Variants in CNTN2 observed in about 807,000 individuals in gnomAD.
The protein encoded by CNTN2 is contactin 2, also known as contactin-2.
In CNTN2, 53 loss-of-function variants were observed where a neutral mutation model predicts 117.5. The observed-to-expected ratio is 0.45, with a 90% CI of 0.36 to 0.57. The LOEUF (loss-of-function observed/expected upper bound fraction) is 0.57, where lower values mean the gene tolerates loss of function less well. Among genes scored for constraint, CNTN2 ranks in the 20% least tolerant of loss-of-function variants. The pLI, the probability that CNTN2 is intolerant of heterozygous loss-of-function variation, is 0.00. For synonymous variants in CNTN2, 530 were observed against 561.7 expected (o/e 0.94, Z 0.80); for missense variants, 1,106 against 1,404.3 (o/e 0.79, Z 3.39).
At position 205,058,475 on chromosome 1, in the gene CNTN2, C is replaced by G; in HGVS notation, c.392-93C>G. 2 of 1,548,412 alleles carry G rather than the reference C, an allele frequency of 1.3e-6. No individual in the cohort carries two copies. Among genetic ancestry groups the G allele is most frequent in the Non-Finnish European group, 1.8e-6 (2 of 1,128,438 alleles). On this transcript the variant is annotated intron_variant, in intron 4 of 22. Coordinates refer to ENST00000331830, the MANE Select transcript of CNTN2 (RefSeq NM_005076.5). This position sits in a 1 kb window ranked among gnomAD's most constrained non-coding sequence, Gnocchi z 4.3. ...GCCTTCCTGACCTCACATGACATGCCTTAGTGAACTGCTGCTTCTCCGTGA... is the reference window on the plus strand; with the variant it reads ...GCCTTCCTGACCTCACATGACATGCGTTAGTGAACTGCTGCTTCTCCGTGA...
chr1:205,058,237 T>A lies in CNTN2; in HGVS notation c.272T>A (p.Val91Glu). The part of the protein sequence containing the change: ...KLEPGSRHQL[V>E]GGNLVIMNPT... ...GAGCCAGGTTCCCGTCACCAGCTGG[T>A]GGGGGGCAACCTGGTCATCATGAAC... is the stretch of plus-strand genomic sequence containing the variant. Residue 91 changes from valine (V) to glutamate (E), a missense_variant, in exon 4 of 23, where the codon GTG becomes GAG. By Grantham distance (121) the Val-to-Glu change is moderately radical. Coordinates refer to ENST00000331830, the MANE Select transcript of CNTN2 (RefSeq NM_005076.5). The surrounding 1 kb of genome is among the most constrained non-coding windows in gnomAD (Gnocchi z 4.3). The A allele has an allele frequency of 6.4e-7, 1 of 1,563,866 alleles. No individual in the cohort carries two copies. The highest frequency in any genetic ancestry group is 8.7e-7 in the Non-Finnish European group (1 of 1,155,776).
chr1:205,075,262 C>T lies in CNTN2; in HGVS notation c.*1497C>T, dbSNP rs189430085. ...ACTTCAAGGGGTTCGGATTGGTGATCATGGGGATTGGCATGGCTGGGTTCC... is the reference window on the plus strand; with the variant it reads ...ACTTCAAGGGGTTCGGATTGGTGATTATGGGGATTGGCATGGCTGGGTTCC... On this transcript the variant is annotated 3_prime_UTR_variant, in exon 23 of 23. Coordinates refer to ENST00000331830, the MANE Select transcript of CNTN2 (RefSeq NM_005076.5). 3.6e-3 allele frequency: 638 copies of T among 176,888 alleles called. 5 individuals are homozygous for T. The highest frequency in any genetic ancestry group is 3.6e-3 in the Non-Finnish European group (307 of 84,622). 11.0% of individuals were successfully genotyped at this position (176,888 alleles called of 1,614,324 possible).
At chr1:205,046,580 C>T (rs1179600974) in intron 1 of CNTN2, among the ~76,000 whole-genome samples, 2 of 152,186 alleles carry the variant, frequency 1.3e-5, no homozygotes, top group Non-Finnish European at 1.5e-5. Context: ...GCAGGTTGGA[C>T]CTCACCCCCA....
intron 1 of CNTN2, among the ~76,000 whole-genome samples, chr1:205,052,732 C>T (rs1015392988): frequency 2.6e-5 from 4 of 152,370 alleles, no homozygotes; most frequent in Admixed American, 6.5e-5. Flanking sequence ...TGACTTCCAA[C>T]CCATGCACAA....
At chr1:205,055,318 T>C (rs570112024) in intron 2 of CNTN2, among the ~76,000 whole-genome samples, 3 of 152,262 alleles carry the variant, frequency 2.0e-5, no homozygotes, top group East Asian at 3.9e-4. Flanking sequence ...TGCATGTGCA[T>C]GTGTAAGCAC....
Position 205,069,479 on chromosome 1 carries a change from G to T in CNTN2, c.2126-12G>T, listed in dbSNP as rs752211747. 4 of 1,613,746 alleles carry T rather than the reference G, an allele frequency of 2.5e-6. No homozygotes were observed. In the African/African-American group the frequency reaches 5.3e-5, roughly 22 times the overall value. Reference sequence around the variant, plus strand: ...TTAACAAGCCATATCGGTGTCCCTTGGCCCTTGACAGCCCCCTCGGTGGCA... The same window carrying T: ...TTAACAAGCCATATCGGTGTCCCTTTGCCCTTGACAGCCCCCTCGGTGGCA... On this transcript the variant is annotated splice_polypyrimidine_tract_variant and intron_variant, in intron 16 of 22. Transcript: ENST00000331830.
rs143419712 is a variant in CNTN2 at position 205,074,135 on chromosome 1, G to A, written c.*370G>A. ...GGACCCTATACGGACTCCGCCACTT[G>A]AGAGCAGTCCTAGGCCCGGCAGGAA... On this transcript the variant is annotated 3_prime_UTR_variant, in exon 23 of 23. Transcript: ENST00000331830. 0.011 allele frequency: 5,369 copies of A among 511,256 alleles called. 50 individuals are homozygous for A. Among genetic ancestry groups the A allele is most frequent in the Non-Finnish European group, 0.014 (3,965 of 290,344 alleles). The allele number at this position is 511,256 out of a possible 1,614,324, so 31.7% of individuals were successfully genotyped here.
intron 1 of CNTN2, among the ~76,000 whole-genome samples, chr1:205,050,765 C>T (rs1408842321): frequency 6.6e-6 from 1 of 152,126 alleles, no homozygotes; most frequent in Non-Finnish European, 1.5e-5. Context: ...ATTACAGGCA[C>T]CTGCCACCAT....
chr1:205,048,853 C>T lies in CNTN2; in HGVS notation c.-86-4247C>T, dbSNP rs960492682. 2.0e-5 allele frequency among the ~76,000 whole-genome samples: 3 copies of T among 151,874 alleles called. No individual in the cohort carries two copies. Among genetic ancestry groups the T allele is most frequent in the African/African-American group, 7.3e-5 (3 of 41,330 alleles). On this transcript the variant is annotated intron_variant, in intron 1 of 22. Coordinates refer to ENST00000331830, the MANE Select transcript of CNTN2 (RefSeq NM_005076.5). The surrounding 1 kb of genome is among the most constrained non-coding windows in gnomAD (Gnocchi z 4.1). ...GAAATGGATGCAGGGCAAGACTGGA[C>T]GCCAACTGCCTCACCTTTAGGGAGG...
chr1:205,053,549 A>C (rs2096456368), intron 2 of CNTN2, among the ~76,000 whole-genome samples: 1 of 152,210 alleles, frequency 6.6e-6, no homozygotes, highest in Non-Finnish European at 1.5e-5. Flanking sequence ...AGATCTCCAC[A>C]ATATCACCCG....
Position 205,062,505 on chromosome 1 carries a change from G to T in CNTN2, c.1176G>T (p.Met392Ile). 1 of 1,614,108 alleles carries T rather than the reference G, an allele frequency of 6.2e-7. No individual in the cohort carries two copies. Among genetic ancestry groups the T allele is most frequent in the Non-Finnish European group, 8.5e-7 (1 of 1,179,996 alleles). Reference protein sequence around the residue: ...FSKLSLEDSGMYQCVAENKHG... With the variant: ...FSKLSLEDSGIYQCVAENKHG... ...AGCTGAGCCTGGAAGACTCGGGCAT[G>T]TACCAGTGTGTGGCAGAGAATAAGC... Residue 392 changes from methionine to isoleucine, a missense_variant, in exon 10 of 23, where the codon ATG (methionine) becomes ATT (isoleucine). Met to Ile is a conservative substitution (Grantham distance 10, BLOSUM62 1). Transcript: ENST00000331830.
chr1:205,066,341 T>C, intron 14 of CNTN2, 100 bp from the exon 15 acceptor site: 9 of 1,408,906 alleles, frequency 6.4e-6, no homozygotes, highest in Non-Finnish European at 8.7e-6. Flanking sequence ...TCTGCTGCCC[T>C]GTCTTGGTAC....
chr1:205,050,287 G>A (rs1237720458), intron 1 of CNTN2, among the ~76,000 whole-genome samples: 6 of 145,826 alleles, frequency 4.1e-5, no homozygotes, highest in African/African-American at 1.6e-4. Flanking sequence ...GAGTGTGTGT[G>A]TGTGTGTGTG....
rs548838109 is a variant in CNTN2, at chr1:205,075,403, T to C, written c.*1638T>C. 6.6e-6 allele frequency: 1 copy of C among 152,620 alleles called. No homozygotes were observed. Among genetic ancestry groups the C allele is most frequent in the Non-Finnish European group, 1.5e-5 (1 of 68,132 alleles). 9.5% of individuals were successfully genotyped at this position (152,620 alleles called of 1,614,324 possible). On this transcript the variant is annotated 3_prime_UTR_variant, in exon 23 of 23. Transcript: ENST00000331830. The stretch of plus-strand genomic sequence containing the variant: ...GAGGCCAAAGCAAGAGCAGATTCCC[T>C]AGGCAAGAGCAGCAGCACAACTAGG...
In CNTN2 at chr1:205,073,354, C is replaced by G. The variant is rs1654693351; in HGVS notation, c.3013+118C>G. ...TCTACCCGCAAAGGAAAGTGGAAGG[C>G]AGGCAGGAACCAAGTGCAAAGTAGT... On this transcript the variant is annotated intron_variant, in intron 22 of 22. Transcript: ENST00000331830. The surrounding 1 kb of genome is among the most constrained non-coding windows in gnomAD (Gnocchi z 6.3). 1 of 1,271,074 alleles carries G rather than the reference C, an allele frequency of 7.9e-7. No individual in the cohort carries two copies. The highest frequency in any genetic ancestry group is 1.1e-6 in the Non-Finnish European group (1 of 916,106). 78.7% of individuals were successfully genotyped at this position (1,271,074 alleles called of 1,614,324 possible).
At position 205,062,443 on chromosome 1, in the gene CNTN2, CG is replaced by C; in HGVS notation, c.1117del (p.Val373TrpfsTer13). 6.2e-7 allele frequency: 1 copy of C among 1,612,460 alleles called. No individual in the cohort carries two copies. The highest frequency in any genetic ancestry group is 8.5e-7 in the Non-Finnish European group (1 of 1,179,160). On this transcript the variant is annotated frameshift_variant, in exon 10 of 23. Transcript: ENST00000331830. LOFTEE classifies it high-confidence loss of function. ...RNGEPLASQNRVEVLAGDLRF... is the reference protein window; with the variant it reads ...RNGEPLASQNXVEVLAGDLRF... Reference sequence around the variant, plus strand: ...GGCTCTGGGCTCTTCTGCACAGAACCGGGTGGAGGTGTTGGCTGGGGACCTG... The same window carrying C: ...GGCTCTGGGCTCTTCTGCACAGAACCGGTGGAGGTGTTGGCTGGGGACCTG...
intron 19 of CNTN2, among the ~76,000 whole-genome samples, chr1:205,071,405 C>G (rs983301128): frequency 1.4e-4 from 22 of 152,200 alleles, no homozygotes; most frequent in African/African-American, 4.8e-4. Context: ...CAAGTTCATT[C>G]TAGTAGAGTA....
At chr1:205,044,458 T>TG (rs34682563) in intron 1 of CNTN2, among the ~76,000 whole-genome samples, 6,929 of 100,544 alleles carry the variant, frequency 0.069, 353 homozygotes, top group African/African-American at 0.18. Context: ...GCCTGTGTCC[T>TG]GGGGGGGGGG....
In CNTN2 at chr1:205,065,130, C is replaced by T; in HGVS notation, c.1563C>T (p.Asn521=). ...ITLAPSSADI[N]LGDNLTLQCH... ...TAGCCCCCTCAAGTGCCGACATCAA[C>T]TTGGGTGACAACCTGACCCTACAGT... Residue 521 remains asparagine, a synonymous_variant, in exon 13 of 23, where the codon AAC becomes AAT. Coordinates refer to ENST00000331830, the MANE Select transcript of CNTN2 (RefSeq NM_005076.5). The surrounding 1 kb of genome is among the most constrained non-coding windows in gnomAD (Gnocchi z 4.1). 1.9e-6 allele frequency: 3 copies of T among 1,614,172 alleles called. No individual in the cohort carries two copies. The highest frequency in any genetic ancestry group is 2.5e-6 in the Non-Finnish European group (3 of 1,180,024).
Sources: gnomAD v4.1 joint callset for allele counts (sites outside exome capture counted in the v4.1 genomes callset) on GRCh38, gnomAD v4.1.1 for gene constraint, Gnocchi (gnomAD v3.1) non-coding constraint, MANE v1.5 for transcripts, NCBI Gene and HGNC (gene_info 2026-07-23, HGNC 2026-07-21) for gene names.